CELSR1: variants seen among roughly 807,000 people sequenced by gnomAD.
CELSR1 encodes the protein adhesion G protein-coupled receptor C1.
CELSR1 carries 110 observed loss-of-function variants against 249.1 expected under a neutral mutation model. The observed-to-expected ratio is 0.44, with a 90% CI of 0.38 to 0.52. CELSR1 has a LOEUF of 0.52. CELSR1 is among the 20% of genes least tolerant of loss of function. The pLI is 0.00. For synonymous variants in CELSR1, 2,113 were observed against 1,900.0 expected (o/e 1.11, Z -2.92); for missense variants, 4,109 against 4,296.4 (o/e 0.96, Z 1.22).
At chr22:46,489,703 A>G (rs1287289934) in intron 1 of CELSR1, among the ~76,000 whole-genome samples, 1 of 152,058 alleles carries the variant, frequency 6.6e-6, no homozygotes, top group Non-Finnish European at 1.5e-5. Flanking sequence ...ACCTGAGGTC[A>G]GGAGTTTGAG....
In CELSR1 at chr22:46,470,342, C is replaced by T. The variant is rs149268320; in HGVS notation, c.3545-5997G>A. 2.8e-3 allele frequency among the ~76,000 whole-genome samples: 418 copies of T among 151,892 alleles called. 1 individual carries two copies. Among genetic ancestry groups the T allele is most frequent in the African/African-American group, 9.7e-3 (403 of 41,390 alleles). ...ATGTATCATAGTGAGAAGCCCAGGC[C>T]TTCTTGGGGTGCCCTGAGCTACTCT... On this transcript the variant is annotated intron_variant, in intron 1 of 34. Transcript: ENST00000674500.
At position 46,363,864 on chromosome 22, in the gene CELSR1, G is replaced by A. The variant is rs986967053; in HGVS notation, c.9035+132C>T. 6.4e-6 allele frequency: 8 copies of A among 1,240,360 alleles called. No homozygotes were observed. Among genetic ancestry groups the A allele is most frequent in the African/African-American group, 4.6e-5 (3 of 64,946 alleles). The allele number at this position is 1,240,360 out of a possible 1,614,324, so 76.8% of individuals were successfully genotyped here. A position where few individuals can be genotyped will look rare whatever the true frequency, so the allele number is the denominator to read the frequency against. On this transcript the variant is annotated intron_variant, in intron 34 of 34. Coordinates refer to ENST00000674500, the MANE Select transcript of CELSR1 (RefSeq NM_001378328.1). This position sits in a 1 kb window ranked among gnomAD's most constrained non-coding sequence, Gnocchi z 4.3. ...AGCGCCTCCCCCCTCCCCCATCCCCGCCTGGGCTTCCTCTGCACTCAGGGC... is the reference window on the plus strand; with the variant it reads ...AGCGCCTCCCCCCTCCCCCATCCCCACCTGGGCTTCCTCTGCACTCAGGGC...
In CELSR1 at chr22:46,468,901, C is replaced by A. The variant is rs188246918; in HGVS notation, c.3545-4556G>T. 2.6e-4 allele frequency among the ~76,000 whole-genome samples: 39 copies of A among 152,118 alleles called. No homozygotes were observed. Among genetic ancestry groups the A allele is most frequent in the Non-Finnish European group, 4.1e-4 (28 of 68,010 alleles). ...ACCAGCATGGCCAACATGGTGAAAC[C>A]CTGTCTCTACTAAAAATACAAAAAG... On this transcript the variant is annotated intron_variant, in intron 1 of 34. Transcript: ENST00000674500. This position sits in a 1 kb window ranked among gnomAD's most constrained non-coding sequence, Gnocchi z 4.5.
At position 46,364,211 on chromosome 22, in the gene CELSR1, C is replaced by G; in HGVS notation, c.8820G>C (p.Thr2940=). 2 of 1,611,322 alleles carry G rather than the reference C, an allele frequency of 1.2e-6. No homozygotes were observed. Among genetic ancestry groups the G allele is most frequent in the Non-Finnish European group, 1.7e-6 (2 of 1,179,746 alleles). The change falls in exon 34 of 35, where the codon ACG becomes ACC. Residue 2940 remains threonine, a synonymous_variant. Coordinates refer to ENST00000674500, the MANE Select transcript of CELSR1 (RefSeq NM_001378328.1). Reference sequence around the variant, plus strand: ...GGCCCTTCAGCGTCTGCTCCGTCAGCGTCAGCGGCGGCGGGTAGGTGACTT... The same window carrying G: ...GGCCCTTCAGCGTCTGCTCCGTCAGGGTCAGCGGCGGCGGGTAGGTGACTT... ...KNKVTYPPPL[T]LTEQTLKGRL... is the part of the protein sequence containing the mutation.
rs902273966 is a variant in CELSR1, at chr22:46,407,932, A to C, written c.5226+1064T>G. Among the ~76,000 whole-genome samples the C allele has an allele frequency of 4.6e-5, 7 of 152,194 alleles. No individual in the cohort carries two copies. The highest frequency in any genetic ancestry group is 1.7e-4 in the African/African-American group (7 of 41,476). On this transcript the variant is annotated intron_variant, in intron 9 of 34. Transcript: ENST00000674500. This position sits in a 1 kb window ranked among gnomAD's most constrained non-coding sequence, Gnocchi z 4.8. Reference sequence around the variant, plus strand: ...AGACGAGAATGACCTTCAGATGCACAGGCAGAGGGGCAAGAGGGCAAGCCG... The same window carrying C: ...AGACGAGAATGACCTTCAGATGCACCGGCAGAGGGGCAAGAGGGCAAGCCG...
intron 1 of CELSR1, among the ~76,000 whole-genome samples, chr22:46,486,978 C>T (rs532937640): frequency 1.1e-4 from 16 of 152,258 alleles, no homozygotes; most frequent in African/African-American, 3.1e-4. Context: ...ACTCATCACA[C>T]GTTTACTGAG....
intron 1 of CELSR1, among the ~76,000 whole-genome samples, chr22:46,487,911 G>A (rs1362942793): frequency 1.5e-5 from 2 of 132,726 alleles, no homozygotes; most frequent in African/African-American, 5.7e-5. Flanking sequence ...TGGGAGGGCT[G>A]TCCAGCTGAT....
chr22:46,413,558 G>T lies in CELSR1; in HGVS notation c.4612-1799C>A, dbSNP rs1009458624. On this transcript the variant is annotated intron_variant, in intron 5 of 34. Coordinates refer to ENST00000674500, the MANE Select transcript of CELSR1 (RefSeq NM_001378328.1). This position sits in a 1 kb window ranked among gnomAD's most constrained non-coding sequence, Gnocchi z 4.7. ...TTGAGGATGATATCAACAGAGATACGTGAGTTTCCCACACGCCCTTGTCTG... is the reference window on the plus strand; with the variant it reads ...TTGAGGATGATATCAACAGAGATACTTGAGTTTCCCACACGCCCTTGTCTG... 6.6e-6 allele frequency among the ~76,000 whole-genome samples: 1 copy of T among 152,220 alleles called. No homozygotes were observed. Among genetic ancestry groups the T allele is most frequent in the Non-Finnish European group, 1.5e-5 (1 of 68,040 alleles).
Position 46,364,634 on chromosome 22 carries a change from G to A in CELSR1, c.8657C>T (p.Thr2886Ile), listed in dbSNP as rs755292351. The change falls in exon 33 of 35, where the codon ACC becomes ATC. Residue 2886 changes from threonine to isoleucine, a missense_variant. Around this residue, in one of 7 missense-constraint regions of CELSR1, gnomAD observed 1,805 missense variants for 1,831.6 expected, o/e 0.99. Coordinates refer to ENST00000674500, the MANE Select transcript of CELSR1 (RefSeq NM_001378328.1). ...GCGGTGCAGCTCCACGCTGACCTTG[G>A]TCTCCACCTTCAGGCGGGGCTTGCC... ...PSGKPRLKVE[T>I]KVSVELHREE... 1.5e-5 allele frequency: 24 copies of A among 1,612,588 alleles called. No individual in the cohort carries two copies. Among genetic ancestry groups the A allele is most frequent in the Non-Finnish European group, 1.9e-5 (23 of 1,179,922 alleles).
chr22:46,505,273 A>AAAAAG (rs2080504655), intron 1 of CELSR1, among the ~76,000 whole-genome samples: 1 of 151,126 alleles, frequency 6.6e-6, no homozygotes, highest in Non-Finnish European at 1.5e-5. Context: ...AAAAAAAAAA[A>AAAAAG]AAAAAAAAAG....
At chr22:46,497,504 G>A (rs1226014421) in intron 1 of CELSR1, among the ~76,000 whole-genome samples, 6 of 152,144 alleles carry the variant, frequency 3.9e-5, no homozygotes, top group Non-Finnish European at 8.8e-5. Flanking sequence ...TCCTTGGGTT[G>A]GGGCTACATC....
chr22:46,376,818 A>AG (rs1491523605), intron 24 of CELSR1, among the ~76,000 whole-genome samples: 1 of 145,906 alleles, frequency 6.9e-6, no homozygotes, highest in Non-Finnish European at 1.5e-5. Context: ...AAAAAAAAAA[A>AG]GAAAGAAAGA....
chr22:46,530,750 G>A (rs1185443001), intron 1 of CELSR1, among the ~76,000 whole-genome samples: 4 of 152,114 alleles, frequency 2.6e-5, no homozygotes, highest in African/African-American at 7.2e-5. Flanking sequence ...TCAACCCCAC[G>A]CCAGGCTAAA....
rs775467507 is a variant in CELSR1, at chr22:46,380,889, C to T, written c.7155G>A (p.Pro2385=). The change falls in exon 22 of 35, where the codon CCG becomes CCA. Residue 2385 remains proline, a synonymous_variant. Coordinates refer to ENST00000674500, the MANE Select transcript of CELSR1 (RefSeq NM_001378328.1). This position sits in a 1 kb window ranked among gnomAD's most constrained non-coding sequence, Gnocchi z 5.1. ...CGGGCCTCTCCAGGGGTCTCGGGAG[C>T]GGAGCCCCCTCGCTGTACACCAGCG... The part of the protein sequence containing the change: ...VSTLVYSEGA[P]LPRPLERPVL... 30 of 1,613,214 alleles carry T rather than the reference C, an allele frequency of 1.9e-5. 1 individual carries two copies. In the Admixed American group the frequency reaches 2.3e-4, roughly 13 times the overall value.
At position 46,396,723 on chromosome 22, in the gene CELSR1, CCACA is replaced by C; in HGVS notation, c.5721_5724del (p.Cys1907TrpfsTer6). 6.2e-7 allele frequency: 1 copy of C among 1,612,928 alleles called. No homozygotes were observed. The highest frequency in any genetic ancestry group is 8.5e-7 in the Non-Finnish European group (1 of 1,179,530). On this transcript the variant is annotated frameshift_variant, in exon 13 of 35. Coordinates refer to ENST00000674500, the MANE Select transcript of CELSR1 (RefSeq NM_001378328.1). LOFTEE classifies it high-confidence loss of function. The surrounding 1 kb of genome is among the most constrained non-coding windows in gnomAD (Gnocchi z 6.4). The stretch of plus-strand genomic sequence containing the variant: ...TCGCAGGGGTTCAGGTGACAGGCAT[CCACA>C]CAGTTTATTCCAAGGTACCCTGCAA...
intron 1 of CELSR1, among the ~76,000 whole-genome samples, chr22:46,505,566 G>T (rs545316593): frequency 6.6e-6 from 1 of 152,198 alleles, no homozygotes; most frequent in Admixed American, 6.5e-5. Flanking sequence ...GCTGCACTGA[G>T]TCAAGATCCC....
At chr22:46,529,259 C>G (rs1818125802) in intron 1 of CELSR1, among the ~76,000 whole-genome samples, 1 of 150,894 alleles carries the variant, frequency 6.6e-6, no homozygotes. Flanking sequence ...GAGTGAGACT[C>G]CATTTCAAAA....
At chr22:46,432,869 A>G (rs534959068) in intron 5 of CELSR1, among the ~76,000 whole-genome samples, 39 of 152,196 alleles carry the variant, frequency 2.6e-4, no homozygotes, top group Admixed American at 2.3e-3. Context: ...CCCGACCCAG[A>G]GCTCTGGGTG....
Position 46,471,492 on chromosome 22 carries a change from T to C in CELSR1, c.3545-7147A>G, listed in dbSNP as rs1201144342. ...TGAGCTTTGAGCTCCTGGGCTCAAG[T>C]GATCCTCCTGCCTCAGCCTCCTGAG... On this transcript the variant is annotated intron_variant, in intron 1 of 34. Transcript: ENST00000674500. This position sits in a 1 kb window ranked among gnomAD's most constrained non-coding sequence, Gnocchi z 4.9. 6.6e-6 allele frequency among the ~76,000 whole-genome samples: 1 copy of C among 152,084 alleles called. No homozygotes were observed. Among genetic ancestry groups the C allele is most frequent in the Non-Finnish European group, 1.5e-5 (1 of 68,022 alleles).
Sources: gnomAD v4.1 joint callset for allele counts (sites outside exome capture counted in the v4.1 genomes callset) on GRCh38, gnomAD v4.1.1 for gene constraint, gnomAD v4.1.1 regional missense constraint, Gnocchi (gnomAD v3.1) non-coding constraint, MANE v1.5 for transcripts, NCBI Gene and HGNC (gene_info 2026-07-23, HGNC 2026-07-21) for gene names.